ZNF718: variants seen among roughly 807,000 people sequenced by gnomAD.
The protein encoded by ZNF718 is zinc finger protein 718.
ZNF718 carries 3 observed loss-of-function variants against 2.6 expected under a neutral mutation model. The observed-to-expected ratio is 1.16, with a 90% CI of 0.53 to 3.01. The LOEUF is 3.01. Among genes scored for constraint, ZNF718 ranks in the 30% most tolerant of loss-of-function variants. The pLI, the probability that ZNF718 is intolerant of heterozygous loss-of-function variation, is 0.03. For missense variants in ZNF718, 468 were observed against 230.0 expected (o/e 2.03, Z -6.69); for synonymous variants, 135 against 77.9 (o/e 1.73, Z -3.86).
intron 3 of ZNF718, among the ~76,000 whole-genome samples, chr4:147,299 C>G (rs906861111): frequency 1.3e-5 from 2 of 152,142 alleles, no homozygotes; most frequent in African/African-American, 2.4e-5. Context: ...TTATATTTGC[C>G]TGATCCTTCA....
rs144152312 is a variant in ZNF718, at chr4:161,865, C to G, written c.1180C>G (p.Pro394Ala). The G allele has an allele frequency of 9.6e-3, 7,488 of 780,684 alleles. 61 individuals are homozygous for G. The highest frequency in any genetic ancestry group is 0.014 in the Non-Finnish European group (5,990 of 417,980). The allele number at this position is 780,684 out of a possible 1,614,324, so 48.4% of individuals were successfully genotyped here. Residue 394 changes from proline (P) to alanine (A), a missense_variant, in exon 4 of 4, where the codon CCC becomes GCC. Pro to Ala is a conservative substitution (Grantham distance 27, BLOSUM62 -1). Transcript: ENST00000510175. ...VHKRIHSGKN[P>A]YKCEDCGKAF... ...CAAGAGAATTCACTCTGGAAAAAAT[C>G]CCTACAAATGTGAAGATTGTGGCAA...
chr4:125,746 C>G (rs1483067401), intron 1 of ZNF718, among the ~76,000 whole-genome samples: 2 of 152,212 alleles, frequency 1.3e-5, no homozygotes, highest in African/African-American at 4.8e-5. Flanking sequence ...CCAGCCCCCA[C>G]CCAATGCTAA....
At chr4:168,416 A>T (rs1440940585), downstream of ZNF718, among the ~76,000 whole-genome samples, 6 of 152,198 alleles carry the variant, frequency 3.9e-5, no homozygotes, top group Admixed American at 3.9e-4. Flanking sequence ...GAATAGTTTC[A>T]GAAGGAATGG....
chr4:158,745 A>ATAAT (rs113120228), intron 3 of ZNF718, among the ~76,000 whole-genome samples: 1,916 of 152,122 alleles, frequency 0.013, 46 homozygotes, highest in African/African-American at 0.043. Flanking sequence ...ATTTTGGAGA[A>ATAAT]TAAAATATTT....
intron 3 of ZNF718, among the ~76,000 whole-genome samples, chr4:191,411 C>T (rs557460910): frequency 4.5e-4 from 68 of 151,942 alleles, no homozygotes; most frequent in Non-Finnish European, 7.5e-4. Context: ...CTCAGCTCCC[C>T]GAAGTGTTGG....
chr4:124,772 T>C, intron 1 of ZNF718, 99 bp downstream of exon 1: 1 of 1,523,562 alleles, frequency 6.6e-7, no homozygotes. Flanking sequence ...GAGTTCCCGC[T>C]CAGCCCTCTG....
chr4:146,522 A>G (rs1716072443), intron 3 of ZNF718, among the ~76,000 whole-genome samples: 1 of 152,006 alleles, frequency 6.6e-6, no homozygotes, highest in South Asian at 2.1e-4. Context: ...CAAGTTTTTT[A>G]TCAAGTTCTT....
chr4:142,601 A>T (rs1180426940), intron 3 of ZNF718, among the ~76,000 whole-genome samples: 2 of 152,218 alleles, frequency 1.3e-5, no homozygotes, highest in African/African-American at 4.8e-5. Context: ...GCAATGATTT[A>T]AAAAGGTATC....
At chr4:182,427 T>G (rs77373720) in intron 3 of ZNF718, among the ~76,000 whole-genome samples, 10 of 105,046 alleles carry the variant, frequency 9.5e-5, no homozygotes, top group South Asian at 6.5e-4. Context: ...TATTTATTTA[T>G]TTATTTATTT....
At position 146,622 on chromosome 4, in the gene ZNF718, A is replaced by G. The variant is rs376096775; in HGVS notation, c.227-14290A>G. On this transcript the variant is annotated intron_variant, in intron 3 of 3. Coordinates refer to ENST00000510175, the MANE Select transcript of ZNF718 (RefSeq NM_001039127.6). ...TTTTAACACATTATATCTTTAAACAATAAAAAAAAGTTTTCTCTCTTTTGA... is the reference window on the plus strand; with the variant it reads ...TTTTAACACATTATATCTTTAAACAGTAAAAAAAAGTTTTCTCTCTTTTGA... Among the ~76,000 whole-genome samples the G allele has an allele frequency of 4.6e-5, 7 of 152,256 alleles. No homozygotes were observed. The South Asian group carries it at 6.2e-4, about 13-fold the overall frequency.
At chr4:168,606 T>C (rs537485631), downstream of ZNF718, among the ~76,000 whole-genome samples, 1 of 152,220 alleles carries the variant, frequency 6.6e-6, no homozygotes, top group African/African-American at 2.4e-5. Flanking sequence ...GAGGAATTTA[T>C]CCATTTCTTC....
At chr4:152,218 A>G (rs1238196204) in intron 3 of ZNF718, among the ~76,000 whole-genome samples, 1 of 144,838 alleles carries the variant, frequency 6.9e-6, no homozygotes, top group Non-Finnish European at 1.5e-5. Context: ...CAGGAGACAG[A>G]TGCCTTCCTC....
intron 1 of ZNF718, chr4:124,948 G>A (rs1177839224): frequency 1.0e-5 from 4 of 390,582 alleles, no homozygotes; most frequent in African/African-American, 8.4e-5. Flanking sequence ...GGCGGCCTGC[G>A]CGGTGCCGGC....
chr4:179,321 G>A (rs781860734), intron 3 of ZNF718, among the ~76,000 whole-genome samples: 3 of 152,106 alleles, frequency 2.0e-5, no homozygotes, highest in Admixed American at 6.6e-5. Flanking sequence ...ATGAGGTGTG[G>A]TACCTCTAAC....
intron 3 of ZNF718, among the ~76,000 whole-genome samples, chr4:176,431 C>T (rs1300176053): frequency 4.6e-5 from 7 of 152,168 alleles, no homozygotes; most frequent in African/African-American, 1.4e-4. Context: ...ATTGGCCAGG[C>T]ATCTCTATGC....
At chr4:169,570 T>C (rs1553817576) in intron 3 of ZNF718, among the ~76,000 whole-genome samples, 2 of 152,242 alleles carry the variant, frequency 1.3e-5, no homozygotes, top group Non-Finnish European at 2.9e-5. Context: ...GATAGTTAGT[T>C]ATTCTTGTTG....
chr4:193,906 G>T (rs1717742342), intron 3 of ZNF718, among the ~76,000 whole-genome samples: 1 of 152,164 alleles, frequency 6.6e-6, no homozygotes, highest in African/African-American at 2.4e-5. Flanking sequence ...TGGACAAGGG[G>T]GTGGATTATT....
At chr4:133,195 A>AAAAAAAAAT (rs1258303094) in intron 3 of ZNF718, among the ~76,000 whole-genome samples, 2 of 20,780 alleles carry the variant, frequency 9.6e-5, no homozygotes, top group African/African-American at 1.7e-4. Flanking sequence ...AAAAAAAAAA[A>AAAAAAAAAT]ATATATATAT....
intron 3 of ZNF718, among the ~76,000 whole-genome samples, chr4:172,140 G>GTC (rs781689865): frequency 4.6e-5 from 7 of 152,082 alleles, no homozygotes; most frequent in Admixed American, 6.5e-5. Context: ...TCTGAACTTA[G>GTC]TCAACTGTAT....
Sources: allele counts gnomAD v4.1 joint callset (sites outside exome capture counted in the v4.1 genomes callset), GRCh38; gene constraint gnomAD v4.1.1; transcripts MANE v1.5; gene names NCBI Gene and HGNC (gene_info 2026-07-23, HGNC 2026-07-21).